The following GPM6A variants were observed in gnomAD, a reference collection of about 807,000 sequenced individuals.
GPM6A encodes neuronal membrane glycoprotein M6-a.
A neutral mutation model predicts 32.1 loss-of-function variants in GPM6A; 7 were observed. The observed-to-expected ratio is 0.22, with a 90% confidence interval of 0.12 to 0.41. The LOEUF is 0.41. Ranked by LOEUF, GPM6A falls within the 10% of genes least tolerant of loss-of-function variation. GPM6A has a pLI of 1.00. For missense variants in GPM6A, 235 were observed against 347.2 expected, an observed-to-expected ratio of 0.68 and a Z score of 2.57; for synonymous variants, 130 against 123.4, an observed-to-expected ratio of 1.05 and a Z score of -0.35.
intron 1 of GPM6A, among the ~76,000 whole-genome samples, chr4:175,997,716 C>T (rs183171529): frequency 6.6e-6 from 1 of 152,252 alleles, no homozygotes; most frequent in Admixed American, 6.5e-5. Flanking sequence ...TACTGTGTGT[C>T]ATTATTTTTT....
intron 1 of GPM6A, among the ~76,000 whole-genome samples, chr4:175,819,814 T>G (rs1384273975): frequency 2.0e-5 from 3 of 152,282 alleles, no homozygotes; most frequent in African/African-American, 7.2e-5. Context: ...ATATTTGTAT[T>G]CATCCAAAAA....
chr4:175,792,253 T>C (rs1218439202), intron 1 of GPM6A, among the ~76,000 whole-genome samples: 1 of 152,196 alleles, frequency 6.6e-6, no homozygotes, highest in East Asian at 1.9e-4. Context: ...TGCATTGGAT[T>C]GAAACTGCCA....
intron 2 of GPM6A, among the ~76,000 whole-genome samples, chr4:175,700,003 C>T (rs1247124722): frequency 2.0e-5 from 3 of 152,120 alleles, no homozygotes; most frequent in Non-Finnish European, 4.4e-5. Flanking sequence ...GCTGGGATTA[C>T]AGGCTTGTGC....
intron 1 of GPM6A, among the ~76,000 whole-genome samples, chr4:175,772,937 C>T (rs998499067): frequency 5.3e-5 from 8 of 152,162 alleles, no homozygotes; most frequent in African/African-American, 1.9e-4. Flanking sequence ...TCTGGACCCC[C>T]TTGGTCAATA....
At chr4:175,882,873 A>C (rs1737325914) in intron 1 of GPM6A, among the ~76,000 whole-genome samples, 1 of 152,136 alleles carries the variant, frequency 6.6e-6, no homozygotes, top group Non-Finnish European at 1.5e-5. Flanking sequence ...ATTGAACAGG[A>C]ACAAATAAGA....
intron 3 of GPM6A, chr4:175,654,190 C>T (rs1191978675): frequency 6.6e-6 from 1 of 152,130 alleles, no homozygotes; most frequent in Non-Finnish European, 1.5e-5. Context: ...CCTATCTCTC[C>T]GTTTATTTAA....
intron 1 of GPM6A, among the ~76,000 whole-genome samples, chr4:175,883,801 T>C (rs1364234244): frequency 6.6e-6 from 1 of 152,170 alleles, no homozygotes; most frequent in Admixed American, 6.5e-5. Flanking sequence ...AACTCAATAT[T>C]GACATTAAAT....
chr4:175,855,454 G>A (rs956043728), intron 1 of GPM6A, among the ~76,000 whole-genome samples: 3 of 152,154 alleles, frequency 2.0e-5, no homozygotes, highest in Non-Finnish European at 4.4e-5. Flanking sequence ...TATTACAAAT[G>A]TATGAAAAAA....
chr4:175,895,908 T>C (rs1339181855), intron 1 of GPM6A, among the ~76,000 whole-genome samples: 1 of 152,180 alleles, frequency 6.6e-6, no homozygotes, highest in African/African-American at 2.4e-5. Context: ...ATCTACTTTG[T>C]TTTTTATTTT....
At chr4:175,635,441 G>C (rs140704886) in intron 6 of GPM6A, among the ~76,000 whole-genome samples, 12 of 152,062 alleles carry the variant, frequency 7.9e-5, no homozygotes, top group Admixed American at 7.9e-4. Flanking sequence ...ACATACCGTT[G>C]TGTCTAACTG....
intron 1 of GPM6A, among the ~76,000 whole-genome samples, chr4:175,722,887 T>TAA (rs33929858): frequency 0.33 from 49,126 of 148,116 alleles, 10,039 homozygotes; most frequent in Non-Finnish European, 0.47. Context: ...ACAAAGAAAT[T>TAA]AAAAAAAAAA....
chr4:175,665,987 C>T (rs1270191838), intron 3 of GPM6A, among the ~76,000 whole-genome samples: 4 of 149,710 alleles, frequency 2.7e-5, no homozygotes, highest in Middle Eastern at 3.6e-3. Context: ...GGCATGATCT[C>T]GGCTCACTGC....
intron 1 of GPM6A, among the ~76,000 whole-genome samples, chr4:175,789,294 C>A (rs1050346191): frequency 6.6e-6 from 1 of 152,104 alleles, no homozygotes; most frequent in Non-Finnish European, 1.5e-5. Context: ...CCATATTCAG[C>A]TTCTTGATTA....
At chr4:175,870,170 A>T (rs1736862603) in intron 1 of GPM6A, among the ~76,000 whole-genome samples, 1 of 152,224 alleles carries the variant, frequency 6.6e-6, no homozygotes, top group Non-Finnish European at 1.5e-5. Context: ...CATTGACCTT[A>T]ATTATTAGTT....
At chr4:175,649,598 A>G (rs1407167265) in intron 4 of GPM6A, among the ~76,000 whole-genome samples, 2 of 152,208 alleles carry the variant, frequency 1.3e-5, no homozygotes, top group Non-Finnish European at 2.9e-5. Context: ...TAATCAGAGC[A>G]TGCTAATCTC....
chr4:175,795,179 C>T (rs1734168803), intron 1 of GPM6A, among the ~76,000 whole-genome samples: 1 of 152,096 alleles, frequency 6.6e-6, no homozygotes, highest in African/African-American at 2.4e-5. Flanking sequence ...ACACAGTGTA[C>T]ATAAATGATG....
At chr4:175,637,717 A>T (rs1352951121) in intron 6 of GPM6A, among the ~76,000 whole-genome samples, 2 of 83,146 alleles carry the variant, frequency 2.4e-5, no homozygotes, top group African/African-American at 9.9e-5. Context: ...ATATATATTT[A>T]TATATAATAT....
intron 1 of GPM6A, among the ~76,000 whole-genome samples, chr4:175,927,393 T>C (rs373072321): frequency 9.8e-5 from 15 of 152,342 alleles, no homozygotes; most frequent in Admixed American, 1.3e-4. Flanking sequence ...TAAATACAGA[T>C]TATGGCATTT....
intron 4 of GPM6A, among the ~76,000 whole-genome samples, chr4:175,648,244 A>G (rs1055756346): frequency 2.0e-5 from 3 of 152,182 alleles, no homozygotes; most frequent in Non-Finnish European, 4.4e-5. Flanking sequence ...TTTCACACAA[A>G]GAAATGGATG....
Sources: allele counts gnomAD v4.1 joint callset (sites outside exome capture counted in the v4.1 genomes callset), GRCh38; gene constraint gnomAD v4.1.1; transcripts MANE v1.5; gene names NCBI Gene and HGNC (gene_info 2026-07-23, HGNC 2026-07-21).